ZNF536: variants seen among roughly 807,000 people sequenced by gnomAD.
The protein encoded by ZNF536 is zinc finger protein 536.
Under a neutral mutation model 84.5 loss-of-function variants are expected in ZNF536, and 13 were observed. That is an observed-to-expected ratio of 0.15 (90% CI 0.10 to 0.24). The LOEUF (loss-of-function observed/expected upper bound fraction) is 0.24. ZNF536 is among the 10% of genes least tolerant of loss of function. The pLI is 1.00. For synonymous variants in ZNF536, 811 were observed against 742.5 expected, an observed-to-expected ratio of 1.09 and a Z score of -1.50; for missense variants, 1,536 against 1,747.5, an observed-to-expected ratio of 0.88 and a Z score of 2.16.
rs2046008049 is a variant in ZNF536 at position 30,557,533 on chromosome 19, C to T, written c.*369C>T. The T allele has an allele frequency of 1.0e-5, 2 of 200,516 alleles. No individual in the cohort carries two copies. The highest frequency in any genetic ancestry group is 5.8e-5 in the Admixed American group (1 of 17,116). The allele number at this position is 200,516 out of a possible 1,614,324, so 12.4% of individuals were successfully genotyped here. A position where few individuals can be genotyped will look rare whatever the true frequency, so the allele number is the denominator to read the frequency against. Reference sequence around the variant, plus strand: ...GGCTGGGGGTGGGGGGCTGTTCCACCAGCTCACCTGAGCATGTAGAGGTGG... The same window carrying T: ...GGCTGGGGGTGGGGGGCTGTTCCACTAGCTCACCTGAGCATGTAGAGGTGG... On this transcript the variant is annotated 3_prime_UTR_variant, in exon 5 of 5. Transcript: ENST00000355537.
At chr19:30,244,742 C>T (rs2024153527) in intron 1 of ZNF536, among the ~76,000 whole-genome samples, 1 of 152,224 alleles carries the variant, frequency 6.6e-6, no homozygotes, top group African/African-American at 2.4e-5. Flanking sequence ...CTAATTAACA[C>T]TTTGACCAGC....
chr19:30,659,497 G>A (rs1026607996), intron 1 of ZNF536, among the ~76,000 whole-genome samples: 10 of 151,954 alleles, frequency 6.6e-5, no homozygotes, highest in Admixed American at 1.3e-4. Context: ...TACAGATAAA[G>A]ACATACCCAA....
chr19:30,383,747 T>C (rs370672860), intron 1 of ZNF536, among the ~76,000 whole-genome samples: 7 of 5,832 alleles, frequency 1.2e-3, no homozygotes, highest in South Asian at 4.0e-3. Flanking sequence ...TTCTTTCTCT[T>C]TCTTTCTTTC....
At chr19:30,240,029 A>T (rs1205947182) in intron 1 of ZNF536, among the ~76,000 whole-genome samples, 5 of 152,162 alleles carry the variant, frequency 3.3e-5, no homozygotes, top group Non-Finnish European at 5.9e-5. Flanking sequence ...TTTGTGAGTT[A>T]TTAACCCAAA....
At chr19:30,307,767 C>T (rs1416302294) in intron 2 of ZNF536, among the ~76,000 whole-genome samples, 3 of 152,262 alleles carry the variant, frequency 2.0e-5, no homozygotes, top group South Asian at 2.1e-4. Flanking sequence ...GTTATTGGCT[C>T]GTGTTTATTG....
chr19:30,399,215 C>T (rs1043803806), intron 1 of ZNF536, among the ~76,000 whole-genome samples: 1 of 152,096 alleles, frequency 6.6e-6, no homozygotes, highest in Non-Finnish European at 1.5e-5. Flanking sequence ...TAAATGTCTT[C>T]TTTCGAGAAG....
intron 1 of ZNF536, among the ~76,000 whole-genome samples, chr19:30,628,828 C>T (rs910779044): frequency 3.9e-5 from 6 of 151,968 alleles, no homozygotes; most frequent in Admixed American, 1.3e-4. Context: ...CCTCAGCCTC[C>T]GCAGTAGCTG....
intron 1 of ZNF536, among the ~76,000 whole-genome samples, chr19:30,264,966 T>TGTGTGTGTGTGTGAGAGAGAGA (rs59889852): frequency 3.0e-5 from 4 of 133,858 alleles, no homozygotes; most frequent in South Asian, 5.3e-4. Flanking sequence ...TGTGTGTGTG[T>TGTGTGTGTGTGTGAGAGAGAGA]GAGAGAGAGA....
chr19:30,556,864 C>T (rs1464900385), intron 4 of ZNF536: 3 of 265,288 alleles, frequency 1.1e-5, no homozygotes, highest in Non-Finnish European at 2.1e-5. Context: ...AGAGGGCAAT[C>T]AACCTCTTTG....
At position 30,444,330 on chromosome 19, in the gene ZNF536, C is replaced by T. The variant is rs2148179513; in HGVS notation, c.768C>T (p.Pro256=). 1.3e-6 allele frequency: 2 copies of T among 1,592,386 alleles called. No homozygotes were observed. Among genetic ancestry groups the T allele is most frequent in the South Asian group, 1.1e-5 (1 of 90,056 alleles). Residue 256 remains proline (P), a synonymous_variant, in exon 2 of 5, where the codon CCC becomes CCT. Coordinates refer to ENST00000355537, the MANE Select transcript of ZNF536 (RefSeq NM_014717.3). ...TTCCCGACGTGGCCCACCCGGTGCCCTCGCCCAAGCCTGCCAGCGTGCAGG... is the reference window on the plus strand; with the variant it reads ...TTCCCGACGTGGCCCACCCGGTGCCTTCGCCCAAGCCTGCCAGCGTGCAGG... ...HSVPDVAHPV[P]SPKPASVQED...
At chr19:30,463,540 G>A (rs1318850308) in intron 2 of ZNF536, among the ~76,000 whole-genome samples, 1 of 152,184 alleles carries the variant, frequency 6.6e-6, no homozygotes, top group Non-Finnish European at 1.5e-5. Context: ...CCATGAGGCA[G>A]GGGTTGTGTT....
chr19:30,368,029 C>T (rs1475877027), upstream of ZNF536, among the ~76,000 whole-genome samples: 1 of 152,222 alleles, frequency 6.6e-6, no homozygotes, highest in Non-Finnish European at 1.5e-5. Flanking sequence ...AACTTCATGC[C>T]TGGTCTCCCC....
Position 30,647,944 on chromosome 19 carries a change from G to A in ZNF536, c.170-62813G>A, listed in dbSNP as rs577407287. On this transcript the variant is annotated intron_variant, in intron 1 of 1. Transcript: ENST00000592773. Reference sequence around the variant, plus strand: ...GGAGTTGTGAAGTTTCCCACGTGTCGCTTTGGAAATCTCTCATATGAAGTC... The same window carrying A: ...GGAGTTGTGAAGTTTCCCACGTGTCACTTTGGAAATCTCTCATATGAAGTC... 1.8e-3 allele frequency among the ~76,000 whole-genome samples: 267 copies of A among 152,224 alleles called. 2 individuals carry two copies. Among genetic ancestry groups the A allele is most frequent in the African/African-American group, 5.9e-3 (245 of 41,524 alleles).
intron 1 of ZNF536, among the ~76,000 whole-genome samples, chr19:30,383,312 A>G (rs113771208): frequency 0.21 from 9,687 of 45,948 alleles, 1,058 homozygotes; most frequent in African/African-American, 0.33. Flanking sequence ...ACAAACAAAC[A>G]AAAAAAACAA....
intron 1 of ZNF536, among the ~76,000 whole-genome samples, chr19:30,570,107 C>G (rs1443016051): frequency 6.6e-6 from 1 of 152,150 alleles, no homozygotes; most frequent in African/African-American, 2.4e-5. Context: ...GCAATAGTGC[C>G]AAGGTTGAGA....
upstream of ZNF536, among the ~76,000 whole-genome samples, chr19:30,370,838 A>C (rs3810303): frequency 0.32 from 48,789 of 152,090 alleles, 7,959 homozygotes; most frequent in Middle Eastern, 0.52. Context: ...TGTTTTTAAT[A>C]ATCAACTGTA....
intron 1 of ZNF536, among the ~76,000 whole-genome samples, chr19:30,635,368 T>G (rs1270977589): frequency 6.6e-6 from 1 of 152,234 alleles, no homozygotes; most frequent in Admixed American, 6.5e-5. Flanking sequence ...ATTTTGTGGT[T>G]GTTGCTTTGT....
intron 2 of ZNF536, among the ~76,000 whole-genome samples, chr19:30,454,257 C>T (rs1306056342): frequency 6.6e-6 from 1 of 152,208 alleles, no homozygotes; most frequent in African/African-American, 2.4e-5. Context: ...TTTGTCTGAC[C>T]TCAGTTCCAA....
upstream of ZNF536, among the ~76,000 whole-genome samples, chr19:30,367,558 G>C (rs929909407): frequency 2.0e-5 from 3 of 152,162 alleles, no homozygotes; most frequent in African/African-American, 7.2e-5. Context: ...TGTGGAGTGC[G>C]GGGAGCTGGA....
Sources: allele counts gnomAD v4.1 joint callset (sites outside exome capture counted in the v4.1 genomes callset), GRCh38; gene constraint gnomAD v4.1.1; transcripts MANE v1.5; gene names NCBI Gene and HGNC (gene_info 2026-07-23, HGNC 2026-07-21).